The following EXOSC10 variants were observed in gnomAD, a reference collection of about 807,000 sequenced individuals.
EXOSC10 encodes exosome complex component 10.
EXOSC10 carries 94 observed loss-of-function variants against 126.6 expected under a neutral mutation model. The observed-to-expected ratio is 0.74, with a 90% CI of 0.63 to 0.88. The LOEUF (loss-of-function observed/expected upper bound fraction) is 0.88. Among genes scored for constraint, EXOSC10 ranks in the 40% least tolerant of loss-of-function variants. The probability of loss-of-function intolerance (pLI) is 0.00; values close to 1 mark genes in which losing one functional copy is unlikely to be tolerated. For synonymous variants in EXOSC10, 395 were observed against 400.8 expected, an observed-to-expected ratio of 0.99 and a Z score of 0.17; for missense variants, 1,041 against 1,100.5, an observed-to-expected ratio of 0.95 and a Z score of 0.77.
chr1:11,074,295 G>A lies in EXOSC10; in HGVS notation c.2018C>T (p.Pro673Leu). The A allele has an allele frequency of 6.2e-7, 1 of 1,614,054 alleles. No homozygotes were observed. The highest frequency in any genetic ancestry group is 8.5e-7 in the Non-Finnish European group (1 of 1,179,970). ...GGCTTTTTTCTGTGCAACTGTCAAT[G>A]GACCCTTTTTACTGTCTTCAGCACT... ...EPSAEDSKKG[P>L]LTVAQKKAQN... The change falls in exon 18 of 25, where the codon CCA becomes CTA. Residue 673 changes from proline to leucine, a missense_variant. By Grantham distance (98) the Pro-to-Leu change is moderately conservative. Coordinates refer to ENST00000376936, the MANE Select transcript of EXOSC10 (RefSeq NM_001001998.3).
At chr1:11,085,220 G>C (rs1175194675) in intron 9 of EXOSC10, among the ~76,000 whole-genome samples, 1 of 152,200 alleles carries the variant, frequency 6.6e-6, no homozygotes, top group East Asian at 1.9e-4. Context: ...ACCTTGGACA[G>C]TATGGCCATT....
chr1:11,082,492 A>G (rs1011411662), intron 10 of EXOSC10, 196 bp downstream of exon 10: 73 of 1,332,494 alleles, frequency 5.5e-5, no homozygotes, highest in Middle Eastern at 4.5e-4. Context: ...TAACTGCATC[A>G]GCCCATCATA....
chr1:11,078,076 C>T (rs1639922658), intron 14 of EXOSC10, among the ~76,000 whole-genome samples: 1 of 151,936 alleles, frequency 6.6e-6, no homozygotes, highest in Non-Finnish European at 1.5e-5. Flanking sequence ...GGTTCAAGAC[C>T]AGTCTGGGAA....
chr1:11,087,320 C>G (rs148124174), intron 9 of EXOSC10, 128 bp downstream of exon 9: 110 of 1,106,442 alleles, frequency 9.9e-5, no homozygotes, highest in Non-Finnish European at 1.4e-4. Context: ...AGCACTGTAC[C>G]CTAGTTAGGA....
intron 22 of EXOSC10, 175 bp from the exon 23 acceptor site, chr1:11,068,881 G>C (rs1338992419): frequency 6.5e-6 from 4 of 617,360 alleles, no homozygotes; most frequent in East Asian, 2.8e-5. Context: ...TAGCGATCCT[G>C]GTCCCTGTGG....
intron 4 of EXOSC10, 80 bp downstream of exon 4, chr1:11,091,413 C>T (rs1640797217): frequency 4.0e-6 from 5 of 1,245,948 alleles, no homozygotes; most frequent in Non-Finnish European, 5.7e-6. Flanking sequence ...TAAATTAGAA[C>T]AGAAATGCAT....
At chr1:11,074,029 T>C (rs1639673861) in intron 18 of EXOSC10, 21 bp from the exon 19 acceptor site, 1 of 1,607,274 alleles carries the variant, frequency 6.2e-7, no homozygotes, top group South Asian at 1.1e-5. Flanking sequence ...GAAATGGCTG[T>C]GTGAAACGCT....
intron 19 of EXOSC10, chr1:11,072,641 T>C (rs887009087): frequency 3.2e-5 from 5 of 153,994 alleles, no homozygotes; most frequent in African/African-American, 1.2e-4. Context: ...GACGTGCAGT[T>C]GTTCAGTGTG....
chr1:11,077,309 A>G (rs1639873792), intron 16 of EXOSC10, 56 bp downstream of exon 16: 1 of 1,550,872 alleles, frequency 6.4e-7, no homozygotes. Flanking sequence ...AGAATTTTAG[A>G]CAAGGTAGCT....
At position 11,072,160 on chromosome 1, in the gene EXOSC10, G is replaced by A. The variant is rs1130683; in HGVS notation, c.2169C>T (p.Arg723=). ...PSTKIYEISN[R]WKLAQVQVQK... is the part of the protein sequence containing the mutation. Reference sequence around the variant, plus strand: ...GTACTTGTACCTGGGCCAGCTTCCAGCGGTTGCTGATCTATAATGAAAGCA... The same window carrying A: ...GTACTTGTACCTGGGCCAGCTTCCAACGGTTGCTGATCTATAATGAAAGCA... The change falls in exon 20 of 25, where the codon CGC becomes CGT. Residue 723 remains arginine, a synonymous_variant. Transcript: ENST00000376936. The A allele has an allele frequency of 0.72, 1,154,297 of 1,610,344 alleles. 423,435 individuals carry two copies. Among genetic ancestry groups the A allele is most frequent in the East Asian group, 0.8 (36,035 of 44,834 alleles).
intron 23 of EXOSC10, 40 bp downstream of exon 23, chr1:11,068,605 C>T (rs371179505): frequency 7.7e-5 from 119 of 1,537,782 alleles, no homozygotes; most frequent in South Asian, 1.5e-4. Context: ...CAGAAACAGG[C>T]GCCACCAGCG....
intron 3 of EXOSC10, among the ~76,000 whole-genome samples, chr1:11,092,183 G>C (rs1640842185): frequency 1.3e-5 from 2 of 152,154 alleles, no homozygotes; most frequent in Non-Finnish European, 2.9e-5. Flanking sequence ...TTTGCATTTA[G>C]TAGAATCCAT....
intron 17 of EXOSC10, among the ~76,000 whole-genome samples, chr1:11,076,426 C>T (rs1298275321): frequency 2.6e-5 from 4 of 152,166 alleles, no homozygotes; most frequent in African/African-American, 4.8e-5. Flanking sequence ...CTATGGGCAG[C>T]GCACATTCTA....
intron 6 of EXOSC10, among the ~76,000 whole-genome samples, chr1:11,089,715 A>T (rs1465956798): frequency 6.6e-6 from 1 of 151,988 alleles, no homozygotes; most frequent in Non-Finnish European, 1.5e-5. Flanking sequence ...CCCAACCCCC[A>T]ACCCTTTGGG....
intron 8 of EXOSC10, 80 bp from the exon 9 acceptor site, chr1:11,087,671 C>G (rs1040445617): frequency 6.4e-7 from 1 of 1,551,946 alleles, no homozygotes; most frequent in African/African-American, 1.4e-5. Context: ...GAAAAGTCAG[C>G]TACAAAGCTA....
At position 11,072,477 on chromosome 1, in the gene EXOSC10, C is replaced by CG. The variant is rs1208725045; in HGVS notation, c.2158-307dup. The CG allele has an allele frequency of 3.0e-5, 8 of 269,010 alleles. 1 individual carries two copies. In the Admixed American group the frequency reaches 3.5e-4, roughly 12 times the overall value. The allele number at this position is 269,010 out of a possible 1,614,324, so 16.7% of individuals were successfully genotyped here. A position where few individuals can be genotyped will look rare whatever the true frequency, so the allele number is the denominator to read the frequency against. Reference sequence around the variant, plus strand: ...TCTTTAGAGATGAGCAAACAGACTCCGGGAGAGTAAATAACTTGTCCAAGG... The same window carrying CG: ...TCTTTAGAGATGAGCAAACAGACTCCGGGGAGAGTAAATAACTTGTCCAAGG... On this transcript the variant is annotated intron_variant, in intron 19 of 24. Transcript: ENST00000376936.
In EXOSC10 at chr1:11,088,129, T is replaced by C. The variant is rs200513218; in HGVS notation, c.828A>G (p.Gln276=). Residue 276 remains glutamine, a synonymous_variant, in exon 7 of 25, where the codon CAA becomes CAG. Transcript: ENST00000376936. ...ACTAAGGCTGGGTACTAACCTGGGG[T>C]TGTGGCTTTTGAAGCACTGCATCTG... The part of the protein sequence containing the change: ...TPADAVLQKP[Q]PQLYRPIEET... 6.2e-7 allele frequency: 1 copy of C among 1,613,384 alleles called. No individual in the cohort carries two copies. Among genetic ancestry groups the C allele is most frequent in the Non-Finnish European group, 8.5e-7 (1 of 1,179,618 alleles).
In EXOSC10 at chr1:11,095,796, A is replaced by T; in HGVS notation, c.334T>A (p.Leu112Ile). ...KVTELEDKFD[L>I]LVDANDVILE... ...ATTACATCATTGGCATCAACTAGTAAATCAAACTTGTCTTCCAGCTCAGTC... is the reference window on the plus strand; with the variant it reads ...ATTACATCATTGGCATCAACTAGTATATCAAACTTGTCTTCCAGCTCAGTC... The change falls in exon 3 of 25, where the codon TTA becomes ATA. Residue 112 changes from leucine to isoleucine, a missense_variant. Physicochemically the swap from Leu to Ile is conservative, Grantham distance 5. Transcript: ENST00000376936. 6.2e-7 allele frequency: 1 copy of T among 1,614,184 alleles called. No homozygotes were observed. Among genetic ancestry groups the T allele is most frequent in the Non-Finnish European group, 8.5e-7 (1 of 1,179,988 alleles).
Position 11,099,810 on chromosome 1 carries a change from C to T in EXOSC10, c.22G>A (p.Glu8Lys), listed in dbSNP as rs766222688. The change falls in exon 1 of 25, where the codon GAG becomes AAG. Residue 8 changes from glutamate to lysine, a missense_variant. Coordinates refer to ENST00000376936, the MANE Select transcript of EXOSC10 (RefSeq NM_001001998.3). The part of the protein sequence containing the change: MAPPSTR[E>K]PRVLSATSAT... ...CTGGTCGCCGACAGGACCCTGGGCT[C>T]CCGGGTACTGGGTGGCGCCATTTTT... 3.1e-6 allele frequency: 5 copies of T among 1,610,744 alleles called. No individual in the cohort carries two copies. Among genetic ancestry groups the T allele is most frequent in the South Asian group, 1.1e-5 (1 of 90,892 alleles).
Sources: gnomAD v4.1 joint callset for allele counts (sites outside exome capture counted in the v4.1 genomes callset) on GRCh38, gnomAD v4.1.1 for gene constraint, MANE v1.5 for transcripts, NCBI Gene and HGNC (gene_info 2026-07-23, HGNC 2026-07-21) for gene names.